Variants in SGCZ observed in about 807,000 individuals in gnomAD.
The protein encoded by SGCZ is sarcoglycan zeta.
In SGCZ, 40 loss-of-function variants were observed where a neutral mutation model predicts 41.3. The observed-to-expected ratio is 0.97, with a 90% CI of 0.75 to 1.26. SGCZ has a LOEUF of 1.26. Ranked by LOEUF, SGCZ falls within the 50% of genes most tolerant of loss-of-function variation. SGCZ has a pLI of 0.00. For missense variants in SGCZ, 552 were observed against 369.8 expected, an observed-to-expected ratio of 1.49 and a Z score of -4.04; for synonymous variants, 206 against 137.5, an observed-to-expected ratio of 1.50 and a Z score of -3.49.
chr8:14,417,531 C>T (rs1273987513), intron 2 of SGCZ, among the ~76,000 whole-genome samples: 1 of 151,738 alleles, frequency 6.6e-6, no homozygotes, highest in Non-Finnish European at 1.5e-5. Context: ...GGGATTGTTC[C>T]ATGAACTGTA....
intron 1 of SGCZ, among the ~76,000 whole-genome samples, chr8:14,621,903 T>G (rs188439684): frequency 1.3e-5 from 2 of 152,068 alleles, no homozygotes; most frequent in Non-Finnish European, 2.9e-5. Flanking sequence ...TACACTTATA[T>G]CTATAGAATA....
chr8:14,282,520 G>C (rs530662226), intron 3 of SGCZ, among the ~76,000 whole-genome samples: 1 of 152,002 alleles, frequency 6.6e-6, no homozygotes, highest in Admixed American at 6.6e-5. Context: ...CCTATTCTTG[G>C]TGTTTTCAAC....
At chr8:14,452,837 C>T (rs774950317) in intron 2 of SGCZ, among the ~76,000 whole-genome samples, 14 of 152,214 alleles carry the variant, frequency 9.2e-5, no homozygotes, top group East Asian at 1.9e-4. Flanking sequence ...TGTGGACTCA[C>T]GCCTGTACAA....
intron 1 of SGCZ, 96 bp from the exon 2 acceptor site, chr8:14,555,022 A>C: frequency 8.9e-7 from 1 of 1,125,332 alleles, no homozygotes; most frequent in East Asian, 2.4e-5. Context: ...AGAACAATGT[A>C]CGTTAAAATA....
chr8:14,658,132 G>T (rs943476441), intron 1 of SGCZ, among the ~76,000 whole-genome samples: 13 of 152,094 alleles, frequency 8.5e-5, no homozygotes, highest in Admixed American at 3.9e-4. Context: ...CTTGCCCCAC[G>T]CTCCTCCTCT....
rs1012824550 is a variant in SGCZ at position 15,192,905 on chromosome 8, A to C, written c.39+44680T>G. On this transcript the variant is annotated intron_variant, in intron 1 of 7. Coordinates refer to ENST00000382080, the MANE Select transcript of SGCZ (RefSeq NM_139167.4). ...AGAAAAAAGGAACATTTAAAAAAATATATTGGACTAAGGATTCCCAAAGAC... is the reference window on the plus strand; with the variant it reads ...AGAAAAAAGGAACATTTAAAAAAATCTATTGGACTAAGGATTCCCAAAGAC... 2.6e-5 allele frequency among the ~76,000 whole-genome samples: 4 copies of C among 152,106 alleles called. 1 individual carries two copies. Among genetic ancestry groups the C allele is most frequent in the Non-Finnish European group, 5.9e-5 (4 of 68,024 alleles).
At chr8:14,507,029 T>C (rs367658766) in intron 2 of SGCZ, among the ~76,000 whole-genome samples, 2 of 152,286 alleles carry the variant, frequency 1.3e-5, no homozygotes, top group East Asian at 3.9e-4. Context: ...TTCCCAACTT[T>C]CAATCTCTGT....
intron 1 of SGCZ, among the ~76,000 whole-genome samples, chr8:14,887,079 A>C (rs562088993): frequency 6.6e-6 from 1 of 152,252 alleles, no homozygotes; most frequent in South Asian, 2.1e-4. Context: ...AGGTTGAAGG[A>C]GGGCCAAGAC....
rs1585120296 is a variant in SGCZ, at chr8:14,086,365, C to T, written c.*4078G>A. Among the ~76,000 whole-genome samples the T allele has an allele frequency of 1.3e-5, 2 of 151,574 alleles. No homozygotes were observed. The highest frequency in any genetic ancestry group is 1.9e-4 in the East Asian group (1 of 5,134). On this transcript the variant is annotated 3_prime_UTR_variant, in exon 8 of 8. Coordinates refer to ENST00000382080, the MANE Select transcript of SGCZ (RefSeq NM_139167.4). ...CTATTGCTGCCTCATACAGAGATAC[C>T]ATGTTTGCAATGAAATAATTTATTA...
chr8:14,630,936 G>A (rs1195105304), intron 1 of SGCZ, among the ~76,000 whole-genome samples: 2 of 151,886 alleles, frequency 1.3e-5, no homozygotes, highest in African/African-American at 4.8e-5. Flanking sequence ...CGAGTTAACG[G>A]ATGCAGCACA....
intron 1 of SGCZ, among the ~76,000 whole-genome samples, chr8:15,196,505 C>A (rs938087482): frequency 2.0e-5 from 3 of 152,102 alleles, no homozygotes; most frequent in Non-Finnish European, 4.4e-5. Flanking sequence ...TTATTATACT[C>A]CATTAGGTTA....
Position 14,126,721 on chromosome 8 carries a change from C to T in SGCZ, c.548-18486G>A, listed in dbSNP as rs1802872368. Among the ~76,000 whole-genome samples the T allele has an allele frequency of 2.0e-5, 3 of 152,106 alleles. No individual in the cohort carries two copies. In the South Asian group the frequency reaches 6.2e-4, roughly 32 times the overall value. On this transcript the variant is annotated intron_variant, in intron 5 of 7. Coordinates refer to ENST00000382080, the MANE Select transcript of SGCZ (RefSeq NM_139167.4). ...GCAACACTATTGACAGTAGCAAAGA[C>T]ATGGAACCAACCCAAATGCCCATCA...
chr8:14,498,940 C>T (rs1802069812), intron 2 of SGCZ, among the ~76,000 whole-genome samples: 1 of 151,516 alleles, frequency 6.6e-6, no homozygotes, highest in Admixed American at 6.6e-5. Context: ...TTTAGTCTTG[C>T]CTATGACACC....
intron 1 of SGCZ, among the ~76,000 whole-genome samples, chr8:14,965,015 G>A (rs1200803391): frequency 2.0e-5 from 3 of 152,060 alleles, no homozygotes; most frequent in Admixed American, 1.3e-4. Context: ...CACCCAGGAG[G>A]AGACTCATTT....
chr8:14,776,342 T>C lies in SGCZ; in HGVS notation c.40-221416A>G, dbSNP rs561018612. Among the ~76,000 whole-genome samples the C allele has an allele frequency of 2.9e-4, 44 of 152,048 alleles. No homozygotes were observed. The South Asian group carries it at 8.7e-3, about 30-fold the overall frequency. On this transcript the variant is annotated intron_variant, in intron 1 of 7. Coordinates refer to ENST00000382080, the MANE Select transcript of SGCZ (RefSeq NM_139167.4). ...TCATGAGATCTAATGGTTTTATAAATGCAAGTTCCCCTGCACACACTCTCT... is the reference window on the plus strand; with the variant it reads ...TCATGAGATCTAATGGTTTTATAAACGCAAGTTCCCCTGCACACACTCTCT...
intron 1 of SGCZ, among the ~76,000 whole-genome samples, chr8:15,085,535 C>G (rs1307695987): frequency 2.0e-5 from 3 of 152,180 alleles, no homozygotes; most frequent in Non-Finnish European, 2.9e-5. Context: ...TGGGATATGA[C>G]ATGTCAATAT....
chr8:14,834,645 G>C (rs1006260964), intron 1 of SGCZ, among the ~76,000 whole-genome samples: 1 of 152,172 alleles, frequency 6.6e-6, no homozygotes, highest in African/African-American at 2.4e-5. Flanking sequence ...TCGCACTTTG[G>C]AGCGGAAGTG....
intron 1 of SGCZ, among the ~76,000 whole-genome samples, chr8:14,628,262 TA>T (rs1025634751): frequency 1.3e-5 from 2 of 152,026 alleles, no homozygotes; most frequent in Non-Finnish European, 2.9e-5. Flanking sequence ...GAACAAAAAA[TA>T]AATATTGTAT....
At chr8:15,183,658 G>C (rs549120849) in intron 1 of SGCZ, among the ~76,000 whole-genome samples, 4 of 152,270 alleles carry the variant, frequency 2.6e-5, no homozygotes, top group African/African-American at 7.2e-5. Context: ...ATTTGGGGAA[G>C]AAAAATCACT....
Sources: allele counts gnomAD v4.1 joint callset (sites outside exome capture counted in the v4.1 genomes callset), GRCh38; gene constraint gnomAD v4.1.1; transcripts MANE v1.5; gene names NCBI Gene and HGNC (gene_info 2026-07-23, HGNC 2026-07-21).